Variants in DNAJC11 observed in about 807,000 individuals in gnomAD.
DNAJC11 encodes dnaJ homolog subfamily C member 11.
In DNAJC11, 15 loss-of-function variants were observed where a neutral mutation model predicts 78.6. The observed-to-expected ratio is 0.19, with a 90% CI of 0.13 to 0.29. The LOEUF is 0.29. DNAJC11 is among the 10% of genes least tolerant of loss of function. DNAJC11 has a pLI of 1.00. For missense variants in DNAJC11, 547 were observed against 709.6 expected, an observed-to-expected ratio of 0.77 and a Z score of 2.60; for synonymous variants, 292 against 272.1, an observed-to-expected ratio of 1.07 and a Z score of -0.72.
chr1:6,650,554 A>C (rs982708830), intron 7 of DNAJC11, among the ~76,000 whole-genome samples: 1 of 152,038 alleles, frequency 6.6e-6, no homozygotes, highest in Non-Finnish European at 1.5e-5. Context: ...CAACAGAACA[A>C]AACCTCGTCT....
At position 6,652,900 on chromosome 1, in the gene DNAJC11, G is replaced by T. The variant is rs375656134; in HGVS notation, c.559C>A (p.Gln187Lys). The T allele has an allele frequency of 1.6e-5, 26 of 1,614,076 alleles. No homozygotes were observed. Among genetic ancestry groups the T allele is most frequent in the Non-Finnish European group, 2.2e-5 (26 of 1,180,052 alleles). Reference sequence around the variant, plus strand: ...ATGGAACCTCCTCCATTTCCATTCTGGGTTGAGAGGCTTCCAGAGAGGATG... The same window carrying T: ...ATGGAACCTCCTCCATTTCCATTCTTGGTTGAGAGGCTTCCAGAGAGGATG... ...TAILSGSLSTQNGNGGGSINF... is the reference protein window; with the variant it reads ...TAILSGSLSTKNGNGGGSINF... Residue 187 changes from glutamine (Q) to lysine (K), a missense_variant, in exon 6 of 16, where the codon CAG becomes AAG. Transcript: ENST00000377577.
intron 3 of DNAJC11, among the ~76,000 whole-genome samples, chr1:6,676,518 A>G (rs1055123175): frequency 6.6e-6 from 1 of 151,982 alleles, no homozygotes; most frequent in African/African-American, 2.4e-5. Flanking sequence ...CATCTCTACA[A>G]AAAATTTAAA....
At chr1:6,691,016 A>C (rs1642736065) in intron 1 of DNAJC11, among the ~76,000 whole-genome samples, 1 of 152,214 alleles carries the variant, frequency 6.6e-6, no homozygotes, top group South Asian at 2.1e-4. Context: ...ACAAAGAAAC[A>C]GATAAAACAA....
At chr1:6,646,034 T>C in intron 7 of DNAJC11, 56 bp from the exon 8 acceptor site, 1 of 1,562,106 alleles carries the variant, frequency 6.4e-7, no homozygotes, top group Non-Finnish European at 8.8e-7. Flanking sequence ...TCAGCTGTTC[T>C]GTTACTTCCT....
In DNAJC11 at chr1:6,681,054, T is replaced by C. The variant is rs1476509669; in HGVS notation, c.73-17A>G. 2 of 1,588,596 alleles carry C rather than the reference T, an allele frequency of 1.3e-6. No homozygotes were observed. The highest frequency in any genetic ancestry group is 1.4e-5 in the African/African-American group (1 of 73,792). ...AGAAGAGGCCTAAAGAAAGAAAAATTCAATTAGAGAACAATCAATGCTACT... is the reference window on the plus strand; with the variant it reads ...AGAAGAGGCCTAAAGAAAGAAAAATCCAATTAGAGAACAATCAATGCTACT... On this transcript the variant is annotated splice_polypyrimidine_tract_variant and intron_variant, in intron 1 of 15. Coordinates refer to ENST00000377577, the MANE Select transcript of DNAJC11 (RefSeq NM_018198.4).
chr1:6,640,170 A>T (rs779832924), intron 10 of DNAJC11, 113 bp from the exon 11 acceptor site: 41 of 1,310,876 alleles, frequency 3.1e-5, no homozygotes, highest in Non-Finnish European at 4.2e-5. Context: ...TGCAGCTGCG[A>T]GTTAAAGGAG....
intron 1 of DNAJC11, 96 bp downstream of exon 1, chr1:6,701,633 C>T: frequency 7.6e-7 from 1 of 1,321,280 alleles, no homozygotes; most frequent in Non-Finnish European, 1.0e-6. Flanking sequence ...GGACCCGAGC[C>T]TCCCGTGGCG....
chr1:6,678,820 T>C (rs2039054), intron 2 of DNAJC11, among the ~76,000 whole-genome samples: 43,925 of 152,090 alleles, frequency 0.29, 7,022 homozygotes, highest in South Asian at 0.47. Flanking sequence ...GCCCAGCTAA[T>C]TTATTTTTTG....
chr1:6,673,771 T>G (rs1642418309), intron 3 of DNAJC11, among the ~76,000 whole-genome samples: 1 of 152,218 alleles, frequency 6.6e-6, no homozygotes, highest in African/African-American at 2.4e-5. Flanking sequence ...ACACGAGGTG[T>G]CCTTAGTCTT....
At chr1:6,700,738 T>C (rs530484790) in intron 1 of DNAJC11, among the ~76,000 whole-genome samples, 2 of 152,298 alleles carry the variant, frequency 1.3e-5, no homozygotes, top group Admixed American at 1.3e-4. Context: ...TAGACTAATA[T>C]TTACTGACAA....
intron 11 of DNAJC11, among the ~76,000 whole-genome samples, chr1:6,639,667 G>A (rs893969379): frequency 7.2e-5 from 11 of 152,174 alleles, no homozygotes; most frequent in African/African-American, 2.2e-4. Context: ...AGTCCTTTCT[G>A]AGAGTAAGAT....
chr1:6,648,071 C>A (rs1459449894), intron 7 of DNAJC11, among the ~76,000 whole-genome samples: 1 of 152,186 alleles, frequency 6.6e-6, no homozygotes, highest in Non-Finnish European at 1.5e-5. Context: ...TGAAGTGTCT[C>A]CCAAGCTTGT....
chr1:6,692,520 T>C (rs1185805305), intron 1 of DNAJC11, among the ~76,000 whole-genome samples: 1 of 151,970 alleles, frequency 6.6e-6, no homozygotes, highest in Non-Finnish European at 1.5e-5. Context: ...CCATGTCAAC[T>C]TTCCAGGAAG....
At position 6,680,108 on chromosome 1, in the gene DNAJC11, C is replaced by T. The variant is rs1642530005; in HGVS notation, c.202+800G>A. On this transcript the variant is annotated intron_variant, in intron 2 of 15. Coordinates refer to ENST00000377577, the MANE Select transcript of DNAJC11 (RefSeq NM_018198.4). The surrounding 1 kb of genome is among the most constrained non-coding windows in gnomAD (Gnocchi z 4.0). ...AGAAACATATTATCTAATTTTTGGT[C>T]TAAGGAGCAAATCACCAGATGGTTC... Among the ~76,000 whole-genome samples, 1 of 152,092 alleles carries T rather than the reference C, an allele frequency of 6.6e-6. No homozygotes were observed. Among genetic ancestry groups the T allele is most frequent in the Non-Finnish European group, 1.5e-5 (1 of 68,032 alleles).
chr1:6,649,231 G>A (rs1484353115), intron 7 of DNAJC11, among the ~76,000 whole-genome samples: 3 of 151,604 alleles, frequency 2.0e-5, no homozygotes, highest in African/African-American at 7.3e-5. Flanking sequence ...GTGCAGTGGC[G>A]CGATCTCGGC....
intron 3 of DNAJC11, among the ~76,000 whole-genome samples, chr1:6,675,284 C>T (rs543028632): frequency 2.6e-4 from 38 of 146,990 alleles, no homozygotes; most frequent in Non-Finnish European, 4.9e-4. Context: ...GCTTAGTATC[C>T]ACATGAAAAA....
chr1:6,690,086 T>C (rs1392026463), intron 1 of DNAJC11, among the ~76,000 whole-genome samples: 2 of 152,188 alleles, frequency 1.3e-5, no homozygotes, highest in Non-Finnish European at 2.9e-5. Context: ...GAGGAGTTTA[T>C]TTGGTTATGG....
At chr1:6,673,379 C>G (rs533699962) in intron 3 of DNAJC11, among the ~76,000 whole-genome samples, 1 of 151,860 alleles carries the variant, frequency 6.6e-6, no homozygotes. Context: ...GGAAGGAGGA[C>G]AGACAGGACC....
At chr1:6,635,809 C>T (rs1570257555) in intron 15 of DNAJC11, 109 bp from the exon 16 acceptor site, 11 of 1,334,240 alleles carry the variant, frequency 8.2e-6, no homozygotes, top group Middle Eastern at 1.9e-4. Flanking sequence ...TGGGCCCAGG[C>T]GAGGCAGAGC....
Sources: gnomAD v4.1 joint callset for allele counts (sites outside exome capture counted in the v4.1 genomes callset) on GRCh38, gnomAD v4.1.1 for gene constraint, Gnocchi (gnomAD v3.1) non-coding constraint, MANE v1.5 for transcripts, NCBI Gene and HGNC (gene_info 2026-07-23, HGNC 2026-07-21) for gene names.